Variants in APBA1 observed in about 807,000 individuals in gnomAD.
APBA1 encodes amyloid-beta A4 precursor protein-binding family A member 1.
APBA1 carries 55 observed loss-of-function variants against 86.6 expected under a neutral mutation model. The observed-to-expected ratio is 0.64, with a 90% confidence interval of 0.51 to 0.80. The LOEUF (loss-of-function observed/expected upper bound fraction) is 0.80, where lower values mean the gene tolerates loss of function less well. Among genes scored for constraint, APBA1 ranks in the 30% least tolerant of loss-of-function variants. APBA1 has a pLI of 0.00. For synonymous variants in APBA1, 511 were observed against 493.9 expected (o/e 1.03, Z -0.46); for missense variants, 1,090 against 1,183.0 (o/e 0.92, Z 1.15).
intron 11 of APBA1, among the ~76,000 whole-genome samples, chr9:69,440,198 G>A (rs1295915101): frequency 6.6e-6 from 1 of 152,320 alleles, no homozygotes; most frequent in East Asian, 1.9e-4. Flanking sequence ...CTCCTACTGG[G>A]GGGTGCCTCC....
intron 4 of APBA1, among the ~76,000 whole-genome samples, chr9:69,468,680 C>T (rs1394433951): frequency 6.6e-6 from 1 of 152,190 alleles, no homozygotes; most frequent in Non-Finnish European, 1.5e-5. Flanking sequence ...ATTTTCTGTT[C>T]TATTTTACCA....
chr9:69,612,567 A>T (rs1822611257), intron 1 of APBA1, among the ~76,000 whole-genome samples: 1 of 152,040 alleles, frequency 6.6e-6, no homozygotes, highest in Non-Finnish European at 1.5e-5. Flanking sequence ...GCTAAAAATT[A>T]TGAAATTGCT....
intron 11 of APBA1, among the ~76,000 whole-genome samples, chr9:69,433,864 T>G (rs1834648497): frequency 6.8e-6 from 1 of 147,972 alleles, no homozygotes; most frequent in African/African-American, 2.5e-5. Flanking sequence ...TAGGCTGGAG[T>G]GCAGTGGCAT....
At chr9:69,539,365 T>C (rs7046648) in intron 1 of APBA1, among the ~76,000 whole-genome samples, 109,585 of 152,192 alleles carry the variant, frequency 0.72, 39,964 homozygotes, top group East Asian at 0.91. Flanking sequence ...GCCTCATCAT[T>C]CTTCTTCCAG....
At chr9:69,591,903 G>A (rs1317202953) in intron 1 of APBA1, among the ~76,000 whole-genome samples, 2 of 152,100 alleles carry the variant, frequency 1.3e-5, no homozygotes, top group Non-Finnish European at 1.5e-5. Context: ...TCAGAAAAGT[G>A]TCTCAGCTAA....
chr9:69,623,955 A>AG (rs1367628272), intron 1 of APBA1, among the ~76,000 whole-genome samples: 1 of 152,236 alleles, frequency 6.6e-6, no homozygotes, highest in Non-Finnish European at 1.5e-5. Flanking sequence ...GGTAGGTATA[A>AG]GTGTATTTTT....
At chr9:69,505,862 T>C (rs773461260) in intron 2 of APBA1, among the ~76,000 whole-genome samples, 10 of 151,328 alleles carry the variant, frequency 6.6e-5, no homozygotes, top group Admixed American at 2.0e-4. Context: ...TACTAAAAAA[T>C]ACAAAAATTA....
At chr9:69,558,383 A>G (rs924053548) in intron 1 of APBA1, among the ~76,000 whole-genome samples, 7 of 151,964 alleles carry the variant, frequency 4.6e-5, no homozygotes, top group Admixed American at 6.6e-5. Flanking sequence ...ATTTCTAATT[A>G]CTATGTCTTT....
intron 1 of APBA1, among the ~76,000 whole-genome samples, chr9:69,665,477 C>T (rs994639843): frequency 6.6e-6 from 1 of 152,202 alleles, no homozygotes; most frequent in African/African-American, 2.4e-5. Context: ...GGTAAACGAG[C>T]TTTACCCTCA....
chr9:69,449,902 C>T, intron 9 of APBA1, 106 bp from the exon 10 acceptor site: 1 of 918,114 alleles, frequency 1.1e-6, no homozygotes. Context: ...AAGACACTTC[C>T]CTGGGGACAC....
chr9:69,531,549 C>A (rs1836433943), intron 1 of APBA1, among the ~76,000 whole-genome samples: 1 of 152,180 alleles, frequency 6.6e-6, no homozygotes. Flanking sequence ...CCCTCTCCAG[C>A]ACTCCAGCCT....
intron 2 of APBA1, among the ~76,000 whole-genome samples, chr9:69,493,445 G>A (rs1564054896): frequency 6.6e-6 from 1 of 151,948 alleles, no homozygotes; most frequent in African/African-American, 2.4e-5. Flanking sequence ...TTTTCATACA[G>A]CCTTCTTAGA....
chr9:69,658,222 CTCTTTCTTTCTTTCTTTCTTTCTT>C (rs1212486587), intron 1 of APBA1, among the ~76,000 whole-genome samples: 35 of 104,302 alleles, frequency 3.4e-4, no homozygotes, highest in African/African-American at 1.0e-3. Flanking sequence ...AGTCCTTTCT[CTCTTTCTTTCTTTCTTTCTTTCTT>C]TCTTTCTTTC....
chr9:69,619,810 A>G (rs1822779017), intron 1 of APBA1, among the ~76,000 whole-genome samples: 1 of 152,270 alleles, frequency 6.6e-6, no homozygotes, highest in Non-Finnish European at 1.5e-5. Flanking sequence ...TGACAGAGGC[A>G]GTCAGACTGC....
intron 2 of APBA1, among the ~76,000 whole-genome samples, chr9:69,504,538 C>T (rs1489049047): frequency 6.6e-6 from 1 of 151,994 alleles, no homozygotes; most frequent in Non-Finnish European, 1.5e-5. Context: ...ATGCAAGAGC[C>T]GTCACTATGG....
chr9:69,432,139 G>T (rs111904470), intron 12 of APBA1, among the ~76,000 whole-genome samples: 1 of 152,256 alleles, frequency 6.6e-6, no homozygotes, highest in Non-Finnish European at 1.5e-5. Context: ...CTGCACTGGG[G>T]TCACACCTCT....
At position 69,440,926 on chromosome 9, in the gene APBA1, A is replaced by AC. The variant is rs563239905; in HGVS notation, c.2301+69dup. On this transcript the variant is annotated intron_variant, in intron 11 of 12. Transcript: ENST00000265381. ...GTTCCTATTTAGCCATCTTGGCTCCACCCCCCCAGCCATGCTACATTTTTA... is the reference window on the plus strand; with the variant it reads ...GTTCCTATTTAGCCATCTTGGCTCCACCCCCCCCAGCCATGCTACATTTTTA... The AC allele has an allele frequency of 1.9e-4, 292 of 1,563,104 alleles. No homozygotes were observed. In the East Asian group the frequency reaches 4.7e-3, roughly 25 times the overall value.
intron 1 of APBA1, among the ~76,000 whole-genome samples, chr9:69,666,558 C>T (rs548387934): frequency 2.0e-5 from 3 of 152,066 alleles, no homozygotes; most frequent in African/African-American, 7.2e-5. Flanking sequence ...ATTCCTTGCA[C>T]CTAGAATAGT....
intron 1 of APBA1, among the ~76,000 whole-genome samples, chr9:69,654,783 T>A (rs957881336): frequency 6.6e-6 from 1 of 152,198 alleles, no homozygotes; most frequent in Non-Finnish European, 1.5e-5. Context: ...ATATTCCTAA[T>A]GAATATAGAT....
Sources: gnomAD v4.1 joint callset for allele counts (sites outside exome capture counted in the v4.1 genomes callset) on GRCh38, gnomAD v4.1.1 for gene constraint, MANE v1.5 for transcripts, NCBI Gene and HGNC (gene_info 2026-07-23, HGNC 2026-07-21) for gene names.